The following ST18 variants were observed in gnomAD, a reference collection of about 807,000 sequenced individuals.
The protein encoded by ST18 is suppression of tumorigenicity 18 protein.
In ST18, 50 loss-of-function variants were observed where a neutral mutation model predicts 110.0. That is an observed-to-expected ratio of 0.45 (90% CI 0.36 to 0.58). The LOEUF (loss-of-function observed/expected upper bound fraction) is 0.58. Ranked by LOEUF, ST18 falls within the 20% of genes least tolerant of loss-of-function variation. The probability of loss-of-function intolerance (pLI) is 0.00; values close to 1 mark genes in which losing one functional copy is unlikely to be tolerated. For missense variants in ST18, 1,306 were observed against 1,280.1 expected, an observed-to-expected ratio of 1.02 and a Z score of -0.31; for synonymous variants, 461 against 452.4, an observed-to-expected ratio of 1.02 and a Z score of -0.24.
intron 2 of ST18, among the ~76,000 whole-genome samples, chr8:52,284,838 G>A (rs538434667): frequency 2.6e-5 from 4 of 151,750 alleles, no homozygotes; most frequent in African/African-American, 4.8e-5. Flanking sequence ...ATCAAATGTA[G>A]CTTTAATTAT....
chr8:52,246,052 A>G (rs2137947243), intron 2 of ST18, among the ~76,000 whole-genome samples: 1 of 152,244 alleles, frequency 6.6e-6, no homozygotes, highest in Non-Finnish European at 1.5e-5. Context: ...TTGCCTAAAA[A>G]TTTATAAATT....
intron 2 of ST18, among the ~76,000 whole-genome samples, chr8:52,348,543 G>A (rs905258205): frequency 2.6e-5 from 4 of 152,194 alleles, no homozygotes; most frequent in African/African-American, 7.2e-5. Flanking sequence ...ACCTGAGTTC[G>A]AGACCAGCCT....
At chr8:52,408,737 A>C (rs1020469262) in intron 2 of ST18, among the ~76,000 whole-genome samples, 5 of 152,218 alleles carry the variant, frequency 3.3e-5, no homozygotes, top group Admixed American at 2.0e-4. Flanking sequence ...AGATTTTAAA[A>C]AATCTTATGG....
chr8:52,146,229 A>G lies in ST18; in HGVS notation c.2053-3184T>C, dbSNP rs138098284. Among the ~76,000 whole-genome samples the G allele has an allele frequency of 3.9e-3, 596 of 152,264 alleles. 1 individual carries two copies. The highest frequency in any genetic ancestry group is 0.013 in the African/African-American group (556 of 41,540). On this transcript the variant is annotated intron_variant, in intron 16 of 25. Transcript: ENST00000689386. ...GGGAAGCTCACTGGAAAGTCACAAG[A>G]AAGGATCAGTCCTGGAACTGTTTTT...
chr8:52,265,197 A>G (rs1402361651), intron 2 of ST18, among the ~76,000 whole-genome samples: 2 of 152,204 alleles, frequency 1.3e-5, no homozygotes, highest in East Asian at 3.8e-4. Context: ...CCGAAGCCCT[A>G]AGGAGATAGA....
At chr8:52,245,629 T>C (rs982860657) in intron 2 of ST18, among the ~76,000 whole-genome samples, 3 of 152,166 alleles carry the variant, frequency 2.0e-5, no homozygotes, top group Non-Finnish European at 2.9e-5. Flanking sequence ...AATATTTTCA[T>C]AGAATTACCA....
At chr8:52,280,276 A>G (rs60808925) in intron 2 of ST18, among the ~76,000 whole-genome samples, 5,936 of 152,168 alleles carry the variant, frequency 0.039, 408 homozygotes, top group African/African-American at 0.14. Context: ...AAAATAAATT[A>G]AACTATATAA....
At chr8:52,230,203 ATTGGAATATGGG>A (rs2090889622) in intron 2 of ST18, 126 bp from the exon 3 acceptor site, 1 of 152,212 alleles carries the variant, frequency 6.6e-6, no homozygotes, top group Non-Finnish European at 1.5e-5. Context: ...CATGCTGACT[ATTGGAATATGGG>A]TTGAAGTATT....
intron 2 of ST18, among the ~76,000 whole-genome samples, chr8:52,360,441 T>A (rs781376752): frequency 3.3e-5 from 5 of 152,072 alleles, no homozygotes; most frequent in Non-Finnish European, 5.9e-5. Flanking sequence ...ATGGTACATC[T>A]TTTCACATTT....
At chr8:52,389,280 G>A (rs1030204915) in intron 2 of ST18, among the ~76,000 whole-genome samples, 2 of 152,160 alleles carry the variant, frequency 1.3e-5, no homozygotes, top group Non-Finnish European at 2.9e-5. Flanking sequence ...AGAGGAAAAG[G>A]GAATCAAGCA....
intron 2 of ST18, among the ~76,000 whole-genome samples, chr8:52,345,202 T>C (rs1403254159): frequency 6.6e-6 from 1 of 152,350 alleles, no homozygotes; most frequent in East Asian, 1.9e-4. Context: ...CAGGACGTAC[T>C]CATCATAACA....
At chr8:52,277,849 T>C (rs1044207371) in intron 2 of ST18, among the ~76,000 whole-genome samples, 1 of 152,184 alleles carries the variant, frequency 6.6e-6, no homozygotes, top group Non-Finnish European at 1.5e-5. Context: ...TTTGAGACCA[T>C]TCTATCTCAT....
At chr8:52,380,760 C>T (rs758454041) in intron 2 of ST18, among the ~76,000 whole-genome samples, 3 of 151,972 alleles carry the variant, frequency 2.0e-5, no homozygotes, top group Non-Finnish European at 2.9e-5. Context: ...GATCTTATTC[C>T]CTGCTTTATC....
intron 2 of ST18, among the ~76,000 whole-genome samples, chr8:52,356,073 A>G (rs1822617058): frequency 1.3e-5 from 2 of 152,196 alleles, no homozygotes; most frequent in Admixed American, 1.3e-4. Flanking sequence ...GTTCCCATGT[A>G]CACAAGGAAT....
chr8:52,209,940 T>C (rs1249159915), intron 8 of ST18: 3 of 372,822 alleles, frequency 8.0e-6, no homozygotes, highest in African/African-American at 6.4e-5. Context: ...TTTTTCTCTA[T>C]GAATTATATT....
At chr8:52,228,954 G>T (rs1047315147) in intron 3 of ST18, among the ~76,000 whole-genome samples, 7 of 152,092 alleles carry the variant, frequency 4.6e-5, no homozygotes, top group Admixed American at 1.3e-4. Flanking sequence ...GAGTGACACA[G>T]GTATTGCATT....
chr8:52,408,371 C>T (rs545075309), intron 2 of ST18, among the ~76,000 whole-genome samples: 3 of 152,272 alleles, frequency 2.0e-5, no homozygotes, highest in South Asian at 4.1e-4. Context: ...CACCAACTGC[C>T]GGAAAATCAG....
rs1477788798 is a variant in ST18, at chr8:52,111,228, C to T, written c.*1970G>A. 2.8e-6 allele frequency: 1 copy of T among 356,192 alleles called. No individual in the cohort carries two copies. Among genetic ancestry groups the T allele is most frequent in the Non-Finnish European group, 5.0e-6 (1 of 199,566 alleles). The allele number at this position is 356,192 out of a possible 1,614,324, so 22.1% of individuals were successfully genotyped here. On this transcript the variant is annotated 3_prime_UTR_variant, in exon 26 of 26. Coordinates refer to ENST00000689386, the MANE Select transcript of ST18 (RefSeq NM_001352837.2). ...CTTTTAAATTAAATAAAATATATAACAAACTTGTTAAAATATTTAGCAAAT... is the reference window on the plus strand; with the variant it reads ...CTTTTAAATTAAATAAAATATATAATAAACTTGTTAAAATATTTAGCAAAT...
chr8:52,194,275 G>C (rs1314299809), intron 8 of ST18: 2 of 152,210 alleles, frequency 1.3e-5, no homozygotes, highest in Non-Finnish European at 2.9e-5. Flanking sequence ...ACTTCACACT[G>C]GGTGAATAGA....
Sources: allele counts gnomAD v4.1 joint callset (sites outside exome capture counted in the v4.1 genomes callset), GRCh38; gene constraint gnomAD v4.1.1; transcripts MANE v1.5; gene names NCBI Gene and HGNC (gene_info 2026-07-23, HGNC 2026-07-21).